Variants in FRMPD3 observed in about 807,000 individuals in gnomAD.
FRMPD3 encodes the protein FERM and PDZ domain containing 3.
In FRMPD3, 42 loss-of-function variants were observed where a neutral mutation model predicts 97.9. The ratio of observed to expected loss-of-function variants is 0.43; its 90% CI spans 0.34 to 0.55. The LOEUF is 0.55. FRMPD3 is among the 20% of genes least tolerant of loss of function. The probability of loss-of-function intolerance (pLI) is 0.03; values close to 1 mark genes in which losing one functional copy is unlikely to be tolerated. For synonymous variants in FRMPD3, 577 were observed against 581.1 expected (o/e 0.99, Z 0.10); for missense variants, 1,303 against 1,457.7 (o/e 0.89, Z 1.73).
At chrX:107,562,796 C>G (rs774712488) in intron 10 of FRMPD3, among the ~76,000 whole-genome samples, 4 of 112,066 alleles carry the variant, frequency 3.6e-5, no homozygotes, top group Non-Finnish European at 7.5e-5. Flanking sequence ...TGAAACATCT[C>G]AGGAGAGAGG....
In FRMPD3 at chrX:107,518,884, T is replaced by C. The variant is rs759145830; in HGVS notation, c.-7-7698T>C. On this transcript the variant is annotated intron_variant, in intron 1 of 14. Transcript: ENST00000683843. ...GTGATACATACATACAATGGACTAT[T>C]AGTCTTAAAAGGAAGGAAATTCTGA... is the stretch of plus-strand genomic sequence containing the variant. 4.5e-4 allele frequency among the ~76,000 whole-genome samples: 51 copies of C among 112,625 alleles called. 1 individual carries two copies. The highest frequency in any genetic ancestry group is 1.6e-3 in the African/African-American group (49 of 31,007).
At chrX:107,587,578 T>C (rs1923712531) in intron 13 of FRMPD3, among the ~76,000 whole-genome samples, 1 of 111,934 alleles carries the variant, frequency 8.9e-6, no homozygotes, top group Non-Finnish European at 1.9e-5. Flanking sequence ...GTTTTTACAG[T>C]GGCTGGTACC....
intron 1 of FRMPD3, 36 bp from the exon 2 acceptor site, chrX:107,526,546 G>T: frequency 1.7e-6 from 2 of 1,159,825 alleles, no homozygotes; most frequent in Non-Finnish European, 2.3e-6. Flanking sequence ...AGTTCCCTGT[G>T]CATCTTGTTT....
intron 1 of FRMPD3, among the ~76,000 whole-genome samples, chrX:107,482,079 C>T (rs375041492): frequency 5.4e-5 from 6 of 111,317 alleles, no homozygotes; most frequent in Non-Finnish European, 1.1e-4. Context: ...GCAAAACCCC[C>T]GTGAGCTGAG....
At chrX:107,564,489 T>G (rs758526415) in intron 11 of FRMPD3, among the ~76,000 whole-genome samples, 1 of 112,143 alleles carries the variant, frequency 8.9e-6, no homozygotes, top group Admixed American at 9.4e-5. Context: ...TGCCGCCTTC[T>G]CAGGCAGAGC....
chrX:107,521,736 C>A (rs1281025608), intron 1 of FRMPD3, among the ~76,000 whole-genome samples: 4 of 111,942 alleles, frequency 3.6e-5, no homozygotes, highest in Admixed American at 2.8e-4. Context: ...GGCTAATTGG[C>A]CCCACATGGT....
intron 13 of FRMPD3, among the ~76,000 whole-genome samples, chrX:107,596,122 A>C (rs1176287801): frequency 9.0e-6 from 1 of 111,045 alleles, no homozygotes; most frequent in African/African-American, 3.3e-5. Flanking sequence ...AGTGAAAGGC[A>C]ACACTGGCAT....
Position 107,597,594 on chromosome X carries a change from G to A in FRMPD3, c.1715G>A (p.Gly572Asp), listed in dbSNP as rs768650205. The A allele has an allele frequency of 7.6e-5, 92 of 1,209,030 alleles. No homozygotes were observed. The highest frequency in any genetic ancestry group is 3.2e-4 in the South Asian group (18 of 56,790). Residue 572 changes from glycine to aspartate, a missense_variant, in exon 14 of 15, where the codon GGT (glycine) becomes GAT (aspartate). Gly to Asp is a moderately conservative substitution (Grantham distance 94). Coordinates refer to ENST00000683843, the MANE Select transcript of FRMPD3 (RefSeq NM_001388459.1). ...SDPTSKSSGQ[G>D]YEVVPDDFDA... The stretch of plus-strand genomic sequence containing the variant: ...CCCACATCCAAAAGCTCTGGCCAAG[G>A]TTATGAGGTAGTCCCTGATGACTTT...
Position 107,600,546 on chromosome X carries a change from C to T in FRMPD3, c.2507C>T (p.Pro836Leu), listed in dbSNP as rs971861976. Residue 836 changes from proline to leucine, a missense_variant, in exon 15 of 15, where the codon CCG (proline) becomes CTG (leucine). Pro to Leu is a moderately conservative substitution (Grantham distance 98). Around this residue, in one of 3 missense-constraint regions of FRMPD3, gnomAD observed 764 missense variants for 820.2 expected, o/e 0.93. Coordinates refer to ENST00000683843, the MANE Select transcript of FRMPD3 (RefSeq NM_001388459.1). ...ACGGCCCCTTACTCTCTTGGGCGCCCGGATCCCAACCCATCTCTCCAACCC... is the reference window on the plus strand; with the variant it reads ...ACGGCCCCTTACTCTCTTGGGCGCCTGGATCCCAACCCATCTCTCCAACCC... Reference protein sequence around the residue: ...VLTAPYSLGRPDPNPSLQPIA... With the variant: ...VLTAPYSLGRLDPNPSLQPIA... The T allele has an allele frequency of 4.1e-6, 5 of 1,208,930 alleles. No homozygotes were observed. Among genetic ancestry groups the T allele is most frequent in the African/African-American group, 3.5e-5 (2 of 57,168 alleles).
rs776283485 is a variant in FRMPD3 at position 107,512,908 on chromosome X, C to T, written c.-7-13674C>T. The T allele has an allele frequency of 7.1e-5, 8 of 113,020 alleles. No homozygotes were observed. In the South Asian group the frequency reaches 3.0e-3, roughly 42 times the overall value. The allele number at this position is 113,020 out of a possible 1,213,427, so 9.3% of individuals were successfully genotyped here. On this transcript the variant is annotated intron_variant, in intron 1 of 14. Transcript: ENST00000683843. ...ACAGTGCCATATGGCAGCAGCCTCA[C>T]ATCTGGCACAGCCCTCACATCTGTC...
intron 13 of FRMPD3, among the ~76,000 whole-genome samples, chrX:107,595,143 C>G (rs1161412011): frequency 9.1e-6 from 1 of 109,813 alleles, no homozygotes; most frequent in African/African-American, 3.3e-5. Context: ...ATGGTGAAAC[C>G]TCATGTCTAC....
intron 14 of FRMPD3, among the ~76,000 whole-genome samples, chrX:107,599,279 A>AG (rs1556283876): frequency 9.0e-6 from 1 of 110,847 alleles, no homozygotes; most frequent in East Asian, 2.8e-4. Context: ...AAAAAAAAAA[A>AG]GAAGAAAAAA....
At chrX:107,568,093 C>T (rs1922688030) in intron 12 of FRMPD3, among the ~76,000 whole-genome samples, 1 of 109,833 alleles carries the variant, frequency 9.1e-6, no homozygotes, top group Admixed American at 9.8e-5. Flanking sequence ...CCAGCAGAAG[C>T]AAAATGGATG....
At position 107,572,879 on chromosome X, in the gene FRMPD3, C is replaced by CACTACTACT. The variant is rs35706267; in HGVS notation, c.1297-3413_1297-3405dup. Among the ~76,000 whole-genome samples, 907 of 99,476 alleles carry CACTACTACT rather than the reference C, an allele frequency of 9.1e-3. 12 individuals are homozygous for CACTACTACT. The highest frequency in any genetic ancestry group is 0.034 in the African/African-American group (863 of 25,476). The allele number at this position is 99,476 out of a possible 115,157, so 86.4% of individuals were successfully genotyped here. On this transcript the variant is annotated intron_variant, in intron 12 of 14. Coordinates refer to ENST00000683843, the MANE Select transcript of FRMPD3 (RefSeq NM_001388459.1). ...GGAAAACATAGTAAGACCACATCTC[C>CACTACTACT]ACTACTACTACTACTACTACTACTA... is the stretch of plus-strand genomic sequence containing the variant.
chrX:107,535,750 C>T (rs111596646), intron 4 of FRMPD3, among the ~76,000 whole-genome samples: 40 of 108,931 alleles, frequency 3.7e-4, no homozygotes, highest in African/African-American at 1.2e-3. Flanking sequence ...AATGACACAA[C>T]GTATGTATAT....
At chrX:107,488,611 T>C (rs992360593) in intron 1 of FRMPD3, among the ~76,000 whole-genome samples, 2 of 112,024 alleles carry the variant, frequency 1.8e-5, no homozygotes, top group Non-Finnish European at 3.8e-5. Context: ...ATGTGACGTT[T>C]TCTTCAGTGG....
intron 1 of FRMPD3, among the ~76,000 whole-genome samples, chrX:107,517,251 A>C (rs1335689396): frequency 9.0e-6 from 1 of 111,630 alleles, no homozygotes; most frequent in Non-Finnish European, 1.9e-5. Flanking sequence ...CCTCCATTTT[A>C]ATAGGGAAAA....
chrX:107,582,506 GTC>G lies in FRMPD3; in HGVS notation c.1441+6049_1441+6050del, dbSNP rs1161351818. 2.8e-3 allele frequency among the ~76,000 whole-genome samples: 315 copies of G among 112,523 alleles called. 1 individual carries two copies. Among genetic ancestry groups the G allele is most frequent in the African/African-American group, 8.5e-3 (265 of 31,048 alleles). On this transcript the variant is annotated intron_variant, in intron 13 of 14. Transcript: ENST00000683843. ...TGACCATCTTTTCATTTATTAATAT[GTC>G]TGTCATAGTGTGTGTGAAGTGGTAG...
chrX:107,537,673 C>T (rs1036938301), intron 4 of FRMPD3, among the ~76,000 whole-genome samples: 2 of 111,299 alleles, frequency 1.8e-5, no homozygotes, highest in African/African-American at 6.5e-5. Flanking sequence ...AGGGCAGTGC[C>T]TATTTACCAA....
Sources: gnomAD v4.1 joint callset for allele counts (sites outside exome capture counted in the v4.1 genomes callset) on GRCh38, gnomAD v4.1.1 for gene constraint, gnomAD v4.1.1 regional missense constraint, MANE v1.5 for transcripts, NCBI Gene and HGNC (gene_info 2026-07-23, HGNC 2026-07-21) for gene names.